MBD5: variants seen among roughly 807,000 people sequenced by gnomAD.
MBD5 encodes methyl-CpG binding domain protein 5.
Under a neutral mutation model 117.3 loss-of-function variants are expected in MBD5, and 13 were observed. That is an observed-to-expected ratio of 0.11 (90% confidence interval 0.07 to 0.18). The LOEUF is 0.18. MBD5 is among the 10% of genes least tolerant of loss of function. MBD5 has a pLI of 1.00. For missense variants in MBD5, 1,879 were observed against 2,093.8 expected (o/e 0.90, Z 2.00); for synonymous variants, 727 against 766.4 (o/e 0.95, Z 0.85).
At chr2:148,185,331 A>G (rs1051588270) in intron 2 of MBD5, among the ~76,000 whole-genome samples, 1 of 151,782 alleles carries the variant, frequency 6.6e-6, no homozygotes, top group Non-Finnish European at 1.5e-5. Context: ...TATATTTCCT[A>G]TAGGAGTTGG....
intron 3 of MBD5, among the ~76,000 whole-genome samples, chr2:148,238,358 G>A (rs1260894134): frequency 6.6e-6 from 1 of 152,078 alleles, no homozygotes; most frequent in Non-Finnish European, 1.5e-5. Flanking sequence ...GGGTATGCAT[G>A]GACTGTTCTA....
intron 4 of MBD5, among the ~76,000 whole-genome samples, chr2:148,457,530 G>C (rs1308236250): frequency 6.6e-6 from 1 of 151,988 alleles, no homozygotes; most frequent in African/African-American, 2.4e-5. Context: ...CATTGATTAT[G>C]GCTGTTTCAA....
intron 1 of MBD5, among the ~76,000 whole-genome samples, chr2:148,082,245 C>G (rs528006704): frequency 6.6e-6 from 1 of 152,170 alleles, no homozygotes; most frequent in African/African-American, 2.4e-5. Context: ...ACAACAGCAT[C>G]TTTTATCTGA....
intron 3 of MBD5, among the ~76,000 whole-genome samples, chr2:148,306,624 T>A (rs979928070): frequency 1.3e-5 from 2 of 152,152 alleles, no homozygotes; most frequent in Non-Finnish European, 2.9e-5. Flanking sequence ...GAGAAAAAGG[T>A]TTCTTTAAAT....
At chr2:148,153,872 G>A (rs1697770900) in intron 1 of MBD5, among the ~76,000 whole-genome samples, 1 of 88,520 alleles carries the variant, frequency 1.1e-5, no homozygotes, top group South Asian at 4.9e-4. Flanking sequence ...CAACTTCTTT[G>A]CCTTTGGTTT....
At chr2:148,449,731 A>G (rs747183404) in intron 4 of MBD5, among the ~76,000 whole-genome samples, 30 of 152,092 alleles carry the variant, frequency 2.0e-4, no homozygotes, top group Admixed American at 5.3e-4. Context: ...CAGTTGAATA[A>G]AACAGAAAGA....
intron 1 of MBD5, among the ~76,000 whole-genome samples, chr2:148,148,208 G>T (rs1226905229): frequency 6.6e-6 from 1 of 152,170 alleles, no homozygotes; most frequent in African/African-American, 2.4e-5. Context: ...TGAGCTGCCA[G>T]ATAGGTCAAA....
intron 1 of MBD5, among the ~76,000 whole-genome samples, chr2:148,073,409 A>G (rs550272806): frequency 2.7e-4 from 41 of 152,266 alleles, no homozygotes; most frequent in African/African-American, 9.6e-4. Context: ...AGTCAGTGTC[A>G]TAGTTTTTCA....
At chr2:148,325,304 G>C (rs1287527122) in intron 3 of MBD5, among the ~76,000 whole-genome samples, 1 of 151,958 alleles carries the variant, frequency 6.6e-6, no homozygotes, top group African/African-American at 2.4e-5. Flanking sequence ...CTCTTTTTTG[G>C]TTGTGTCTCT....
rs1173114784 is a variant in MBD5, at chr2:148,513,977, CA to C, written c.*1037del. 1 of 152,124 alleles carries C rather than the reference CA, an allele frequency of 6.6e-6. No homozygotes were observed. Among genetic ancestry groups the C allele is most frequent in the African/African-American group, 2.4e-5 (1 of 41,418 alleles). 9.4% of individuals were successfully genotyped at this position (152,124 alleles called of 1,614,324 possible). ...ATCAGAGGTAAGATTGATAATAATT[CA>C]TTTTTTTGTAGTGGCAAATATAAAT... On this transcript the variant is annotated 3_prime_UTR_variant, in exon 14 of 14. Coordinates refer to ENST00000642680, the MANE Select transcript of MBD5 (RefSeq NM_001378120.1).
chr2:148,184,913 G>T (rs1232073448), intron 2 of MBD5, among the ~76,000 whole-genome samples: 1 of 152,110 alleles, frequency 6.6e-6, no homozygotes, highest in Admixed American at 6.5e-5. Flanking sequence ...GCTTCTCCCT[G>T]ATCCCACCAG....
intron 2 of MBD5, among the ~76,000 whole-genome samples, chr2:148,186,693 C>T (rs958542912): frequency 7.2e-5 from 11 of 152,100 alleles, no homozygotes; most frequent in African/African-American, 2.4e-4. Flanking sequence ...AGAATAGACA[C>T]GAAGAGCCAG....
intron 4 of MBD5, among the ~76,000 whole-genome samples, chr2:148,376,812 A>G (rs1247963336): frequency 9.7e-6 from 1 of 103,394 alleles, no homozygotes; most frequent in East Asian, 3.8e-4. Context: ...ATATAATATT[A>G]TAATTTATAT....
At chr2:148,381,431 A>G in intron 4 of MBD5, among the ~76,000 whole-genome samples, 1 of 152,180 alleles carries the variant, frequency 6.6e-6, no homozygotes, top group Non-Finnish European at 1.5e-5. Context: ...AGAAATGAAC[A>G]AAGCCTCCAT....
intron 4 of MBD5, among the ~76,000 whole-genome samples, chr2:148,361,340 ACT>A (rs1478828662): frequency 6.6e-6 from 1 of 150,748 alleles, no homozygotes; most frequent in Non-Finnish European, 1.5e-5. Context: ...ACAGAGTGAG[ACT>A]CTGTCTCAAA....
At chr2:148,342,433 A>G (rs1702969822) in intron 4 of MBD5, 97 bp downstream of exon 4, 1 of 152,158 alleles carries the variant, frequency 6.6e-6, no homozygotes, top group African/African-American at 2.4e-5. Flanking sequence ...TCTGACATCT[A>G]TAGATTGAAA....
At chr2:148,242,933 T>C (rs1347356738) in intron 3 of MBD5, among the ~76,000 whole-genome samples, 2 of 152,216 alleles carry the variant, frequency 1.3e-5, no homozygotes, top group Non-Finnish European at 2.9e-5. Flanking sequence ...AAAAACGTTT[T>C]GCTATAGTGG....
chr2:148,468,446 T>C lies in MBD5; in HGVS notation c.503T>C (p.Phe168Ser). ...NSVMPECKNP[F>S]KLMIGSSNAM... ...GTAATGCCTGAATGTAAGAATCCTT[T>C]CAAGTTAATGATTGGATCATCAAAT... The change falls in exon 8 of 14, where the codon TTC (phenylalanine) becomes TCC (serine). Residue 168 changes from phenylalanine to serine, a missense_variant. Physicochemically the swap from Phe to Ser is radical, Grantham distance 155 (BLOSUM62 -2). Around this residue, in one of 4 missense-constraint regions of MBD5, gnomAD observed 1,666 missense variants for 1,792.2 expected, o/e 0.93. Transcript: ENST00000642680. 4 of 1,613,776 alleles carry C rather than the reference T, an allele frequency of 2.5e-6. No homozygotes were observed. The highest frequency in any genetic ancestry group is 3.4e-6 in the Non-Finnish European group (4 of 1,179,818).
intron 4 of MBD5, among the ~76,000 whole-genome samples, chr2:148,457,338 G>C (rs1366876879): frequency 6.6e-6 from 1 of 151,982 alleles, no homozygotes. Flanking sequence ...ATCCCACAAT[G>C]TAACTATATA....
Sources: allele counts gnomAD v4.1 joint callset (sites outside exome capture counted in the v4.1 genomes callset), GRCh38; gene constraint gnomAD v4.1.1; regional missense constraint gnomAD v4.1.1; transcripts MANE v1.5; gene names NCBI Gene and HGNC (gene_info 2026-07-23, HGNC 2026-07-21).